ASTN1: variants seen among roughly 807,000 people sequenced by gnomAD.
ASTN1 encodes astrotactin-1.
Under a neutral mutation model 140.7 loss-of-function variants are expected in ASTN1, and 41 were observed. That is an observed-to-expected ratio of 0.29 (90% confidence interval 0.23 to 0.38). The LOEUF is 0.38. ASTN1 is among the 10% of genes least tolerant of loss of function. The pLI, the probability that ASTN1 is intolerant of heterozygous loss-of-function variation, is 1.00. For missense variants in ASTN1, 1,479 were observed against 1,678.8 expected, an observed-to-expected ratio of 0.88 and a Z score of 2.08; for synonymous variants, 640 against 652.2, an observed-to-expected ratio of 0.98 and a Z score of 0.29.
chr1:176,864,273 G>T lies in ASTN1; in HGVS notation c.*11C>A, dbSNP rs758538695. ...ACTTCATTCTGGCAGCAGCTCCCTGGCCTTATGGTGCTAGATCTCTTTGCT... is the reference window on the plus strand; with the variant it reads ...ACTTCATTCTGGCAGCAGCTCCCTGTCCTTATGGTGCTAGATCTCTTTGCT... On this transcript the variant is annotated 3_prime_UTR_variant, in exon 23 of 23. Coordinates refer to ENST00000361833, the MANE Select transcript of ASTN1 (RefSeq NM_004319.3). The T allele has an allele frequency of 9.3e-6, 15 of 1,612,696 alleles. No homozygotes were observed. The highest frequency in any genetic ancestry group is 1.3e-5 in the African/African-American group (1 of 74,914).
chr1:177,129,689 C>T (rs1408615991), intron 1 of ASTN1, among the ~76,000 whole-genome samples: 1 of 152,232 alleles, frequency 6.6e-6, no homozygotes, highest in African/African-American at 2.4e-5. Context: ...GAACCCTTCG[C>T]TGGAAGTGGT....
At chr1:177,134,553 G>A (rs972975233) in intron 1 of ASTN1, among the ~76,000 whole-genome samples, 11 of 152,178 alleles carry the variant, frequency 7.2e-5, no homozygotes, top group Admixed American at 4.6e-4. Flanking sequence ...CTATTATTCA[G>A]TGGGGAATGA....
Position 176,864,345 on chromosome 1 carries a change from G to A in ASTN1, c.3824C>T (p.Thr1275Met), listed in dbSNP as rs201817286. ...GATACTCAGGGTCTGCTCCTCACAC[G>A]TCTTCCTGAGGTCCCGGCTGAGCTC... ...WAELSRDLRK[T>M]CEEQTLSIPY... Residue 1275 changes from threonine (T) to methionine (M), a missense_variant, in exon 23 of 23, where the codon ACG becomes ATG. Physicochemically the swap from Thr to Met is moderately conservative, Grantham distance 81 (BLOSUM62 -1). Coordinates refer to ENST00000361833, the MANE Select transcript of ASTN1 (RefSeq NM_004319.3). 187 of 1,614,064 alleles carry A rather than the reference G, an allele frequency of 1.2e-4. 3 individuals are homozygous for A. In the East Asian group the frequency reaches 1.5e-3, roughly 13 times the overall value.
intron 1 of ASTN1, among the ~76,000 whole-genome samples, chr1:177,071,809 A>G (rs975231925): frequency 4.6e-5 from 7 of 152,182 alleles, no homozygotes; most frequent in African/African-American, 7.2e-5. Flanking sequence ...CCTTCAGAGT[A>G]AGGCTGAGAC....
intron 8 of ASTN1, among the ~76,000 whole-genome samples, chr1:176,982,278 T>C (rs1308063464): frequency 6.6e-6 from 1 of 152,152 alleles, no homozygotes; most frequent in African/African-American, 2.4e-5. Flanking sequence ...CCTTAGCAAC[T>C]GCATTTATCC....
intron 1 of ASTN1, among the ~76,000 whole-genome samples, chr1:177,157,969 T>C (rs12085014): frequency 0.15 from 23,512 of 152,194 alleles, 3,662 homozygotes; most frequent in African/African-American, 0.4. Flanking sequence ...TAATATGTCA[T>C]TGATGAAGGT....
chr1:177,030,084 ACTAT>A (rs1676349291), intron 4 of ASTN1, among the ~76,000 whole-genome samples: 2 of 152,302 alleles, frequency 1.3e-5, no homozygotes, highest in Non-Finnish European at 2.9e-5. Context: ...TTAATATGAG[ACTAT>A]CTAAGAGGTA....
intron 17 of ASTN1, among the ~76,000 whole-genome samples, chr1:176,891,729 G>T (rs185420553): frequency 9.2e-5 from 14 of 152,186 alleles, no homozygotes; most frequent in Non-Finnish European, 2.1e-4. Context: ...GGAAGAGGAG[G>T]TTGCAGTGAG....
chr1:176,958,094 C>T (rs1304910410), intron 10 of ASTN1, among the ~76,000 whole-genome samples: 1 of 152,172 alleles, frequency 6.6e-6, no homozygotes, highest in East Asian at 1.9e-4. Flanking sequence ...GCTTGTCAGT[C>T]CTTAGTGTAT....
At chr1:176,947,190 CTG>C (rs1286099936) in intron 12 of ASTN1, among the ~76,000 whole-genome samples, 1 of 152,130 alleles carries the variant, frequency 6.6e-6, no homozygotes, top group African/African-American at 2.4e-5. Flanking sequence ...GTTTCCAAAA[CTG>C]TAGAAATGGG....
intron 8 of ASTN1, among the ~76,000 whole-genome samples, chr1:177,007,784 T>A (rs1488333464): frequency 6.6e-6 from 1 of 152,170 alleles, no homozygotes; most frequent in Non-Finnish European, 1.5e-5. Flanking sequence ...AAGGGCATCA[T>A]TCAAAATGAC....
Position 176,863,551 on chromosome 1 carries a change from T to G in ASTN1, c.*733A>C. 1 of 985,452 alleles carries G rather than the reference T, an allele frequency of 1.0e-6. No individual in the cohort carries two copies. Among genetic ancestry groups the G allele is most frequent in the Non-Finnish European group, 1.2e-6 (1 of 829,932 alleles). 61.0% of individuals were successfully genotyped at this position (985,452 alleles called of 1,614,324 possible). ...GGTGCAGTTGACAGATGGCATCTTGTTCCCTCTCAAAGATCATGTTGTTCA... is the reference window on the plus strand; with the variant it reads ...GGTGCAGTTGACAGATGGCATCTTGGTCCCTCTCAAAGATCATGTTGTTCA... On this transcript the variant is annotated 3_prime_UTR_variant, in exon 23 of 23. Coordinates refer to ENST00000361833, the MANE Select transcript of ASTN1 (RefSeq NM_004319.3).
chr1:176,947,870 G>A (rs867066894), intron 12 of ASTN1, among the ~76,000 whole-genome samples: 52 of 152,250 alleles, frequency 3.4e-4, no homozygotes, highest in African/African-American at 1.2e-3. Flanking sequence ...TCTGTGCAAA[G>A]TAGGTGCTCA....
chr1:176,905,792 G>T (rs957362974), intron 16 of ASTN1, among the ~76,000 whole-genome samples: 2 of 152,034 alleles, frequency 1.3e-5, no homozygotes, highest in African/African-American at 4.8e-5. Flanking sequence ...AAATACTCTG[G>T]TCTCTGCAGC....
At chr1:176,983,670 G>A (rs1172445564) in intron 8 of ASTN1, among the ~76,000 whole-genome samples, 3 of 152,284 alleles carry the variant, frequency 2.0e-5, no homozygotes, top group African/African-American at 4.8e-5. Flanking sequence ...CTGATTTGGG[G>A]TGTGAGGATG....
At chr1:176,890,633 C>T (rs1202722973) in intron 17 of ASTN1, among the ~76,000 whole-genome samples, 1 of 152,120 alleles carries the variant, frequency 6.6e-6, no homozygotes, top group Non-Finnish European at 1.5e-5. Context: ...GATTTTCAAT[C>T]CAAAAGAGAA....
chr1:176,969,793 T>C (rs1485631515), intron 8 of ASTN1, among the ~76,000 whole-genome samples: 1 of 152,190 alleles, frequency 6.6e-6, no homozygotes, highest in Non-Finnish European at 1.5e-5. Context: ...ATCTTTTTAG[T>C]CAGAATAGAG....
intron 8 of ASTN1, among the ~76,000 whole-genome samples, chr1:176,985,542 A>G (rs1673850958): frequency 6.6e-6 from 1 of 152,124 alleles, no homozygotes; most frequent in South Asian, 2.1e-4. Flanking sequence ...CCTGAATGGC[A>G]GGGTTCTGCT....
At chr1:177,129,822 C>G (rs561462063) in intron 1 of ASTN1, among the ~76,000 whole-genome samples, 1 of 152,238 alleles carries the variant, frequency 6.6e-6, no homozygotes, top group East Asian at 1.9e-4. Flanking sequence ...CAAAAACTAG[C>G]TGGACATGGT....
Sources: allele counts gnomAD v4.1 joint callset (sites outside exome capture counted in the v4.1 genomes callset), GRCh38; gene constraint gnomAD v4.1.1; transcripts MANE v1.5; gene names NCBI Gene and HGNC (gene_info 2026-07-23, HGNC 2026-07-21).